The following MAPKBP1 variants were observed in gnomAD, a reference collection of about 807,000 sequenced individuals.
The protein encoded by MAPKBP1 is mitogen-activated protein kinase-binding protein 1.
A neutral mutation model predicts 170.5 loss-of-function variants in MAPKBP1; 71 were observed. That is an observed-to-expected ratio of 0.42 (90% CI 0.34 to 0.51). The LOEUF is 0.51. Among genes scored for constraint, MAPKBP1 ranks in the 20% least tolerant of loss-of-function variants. The pLI is 0.06. For synonymous variants in MAPKBP1, 719 were observed against 757.9 expected (o/e 0.95, Z 0.84); for missense variants, 1,598 against 1,933.0 (o/e 0.83, Z 3.25).
Position 41,812,143 on chromosome 15 carries a change from G to A in MAPKBP1, c.498+16G>A, listed in dbSNP as rs1567148294. 2 of 1,613,770 alleles carry A rather than the reference G, an allele frequency of 1.2e-6. No homozygotes were observed. Among genetic ancestry groups the A allele is most frequent in the African/African-American group, 1.3e-5 (1 of 75,024 alleles). ...GGCCTGGAAGGTGAGTGGCTGGGTGGGGTGGCCTGGCAGCCTCACAGGGGT... is the reference window on the plus strand; with the variant it reads ...GGCCTGGAAGGTGAGTGGCTGGGTGAGGTGGCCTGGCAGCCTCACAGGGGT... On this transcript the variant is annotated intron_variant, in intron 6 of 30. Transcript: ENST00000457542.
At chr15:41,782,092 CAAAAAAAA>C (rs58449893) in intron 2 of MAPKBP1, among the ~76,000 whole-genome samples, 2 of 111,208 alleles carry the variant, frequency 1.8e-5, no homozygotes, top group African/African-American at 3.5e-5. Context: ...ACTAAAAATA[CAAAAAAAA>C]AAAAAAAAAA....
chr15:41,780,581 C>G (rs2064169191), intron 2 of MAPKBP1, among the ~76,000 whole-genome samples: 2 of 152,154 alleles, frequency 1.3e-5, no homozygotes, highest in Non-Finnish European at 2.9e-5. Context: ...ACTTCATGTT[C>G]CCACTGCTCC....
intron 21 of MAPKBP1, 42 bp from the exon 22 acceptor site, chr15:41,819,553 G>GGGGA: frequency 6.7e-7 from 1 of 1,502,872 alleles, no homozygotes; most frequent in Non-Finnish European, 9.1e-7. Flanking sequence ...GTGGCGGGGG[G>GGGGA]GGGGCAGGAG....
chr15:41,786,804 A>ATATATATATATATATATATG (rs2064305908), intron 2 of MAPKBP1, among the ~76,000 whole-genome samples: 2 of 124,384 alleles, frequency 1.6e-5, no homozygotes, highest in African/African-American at 6.5e-5. Flanking sequence ...ATATATATAT[A>ATATATATATATATATATATG]GGTATAATAA....
At chr15:41,819,557 G>GGGGGGGGGGGGGGGGGGGC (rs1555454017) in intron 21 of MAPKBP1, 38 bp from the exon 22 acceptor site, 6 of 1,384,788 alleles carry the variant, frequency 4.3e-6, no homozygotes, top group South Asian at 2.4e-5. Flanking sequence ...CGGGGGGGGG[G>GGGGGGGGGGGGGGGGGGGC]CAGGAGACAC....
At chr15:41,807,266 G>A (rs1268029296) in intron 3 of MAPKBP1, among the ~76,000 whole-genome samples, 1 of 152,164 alleles carries the variant, frequency 6.6e-6, no homozygotes, top group Non-Finnish European at 1.5e-5. Context: ...CCATGGAGCT[G>A]AACATAGGAG....
intron 13 of MAPKBP1, 75 bp from the exon 14 acceptor site, chr15:41,816,835 C>G (rs755753411): frequency 1.2e-5 from 19 of 1,547,792 alleles, no homozygotes; most frequent in Middle Eastern, 1.7e-4. Context: ...GCTCAGTTCC[C>G]TTGGGGCTCT....
chr15:41,813,943 A>G (rs2064847547), intron 9 of MAPKBP1, among the ~76,000 whole-genome samples, 162 bp downstream of exon 9: 1 of 152,158 alleles, frequency 6.6e-6, no homozygotes, highest in African/African-American at 2.4e-5. Flanking sequence ...ACTTGTTGCA[A>G]CCAAGGAGAC....
intron 2 of MAPKBP1, among the ~76,000 whole-genome samples, chr15:41,795,259 C>A (rs922511972): frequency 6.6e-6 from 1 of 152,026 alleles, no homozygotes; most frequent in Non-Finnish European, 1.5e-5. Context: ...GGAAGGCCCT[C>A]TCTGAGGAAG....
Position 41,825,318 on chromosome 15 carries a change from T to C in MAPKBP1, c.4409T>C (p.Leu1470Pro), listed in dbSNP as rs1567158931. 1 of 1,613,264 alleles carries C rather than the reference T, an allele frequency of 6.2e-7. No homozygotes were observed. Residue 1470 changes from leucine (L) to proline (P), a missense_variant, in exon 31 of 31, where the codon CTG (leucine) becomes CCG (proline). By Grantham distance (98) the Leu-to-Pro change is moderately conservative. Around this residue, in one of 6 missense-constraint regions of MAPKBP1, gnomAD observed 942 missense variants for 953.2 expected, o/e 0.99. Transcript: ENST00000457542. ...CTGGAAGCTGTGGCTGGGGCAGTGCTGTCCAGCCCAGGCAGCAGCCCTGGG... is the reference window on the plus strand; with the variant it reads ...CTGGAAGCTGTGGCTGGGGCAGTGCCGTCCAGCCCAGGCAGCAGCCCTGGG... ...QELEAVAGAV[L>P]SSPGSSPGAV...
At chr15:41,787,079 C>T (rs2064311483) in intron 2 of MAPKBP1, among the ~76,000 whole-genome samples, 1 of 150,824 alleles carries the variant, frequency 6.6e-6, no homozygotes, top group Non-Finnish European at 1.5e-5. Context: ...CTGCCTAGGC[C>T]TCTCAAAGTA....
At chr15:41,803,337 C>G (rs2064631058) in intron 3 of MAPKBP1, among the ~76,000 whole-genome samples, 1 of 143,412 alleles carries the variant, frequency 7.0e-6, no homozygotes, top group African/African-American at 2.6e-5. Flanking sequence ...TCGCTTGAAC[C>G]TGGGAGACGG....
intron 2 of MAPKBP1, among the ~76,000 whole-genome samples, chr15:41,796,284 G>A (rs143181172): frequency 5.8e-4 from 89 of 152,304 alleles, no homozygotes; most frequent in Middle Eastern, 3.4e-3. Context: ...TGTGTTTGCA[G>A]GGGATGTTCA....
chr15:41,821,566 C>A lies in MAPKBP1; in HGVS notation c.2719-18C>A, dbSNP rs1201364204. Reference sequence around the variant, plus strand: ...TCTGTCACCTCTGCTCTGTTAACATCCCTTTGTGTGTTCCCAGAATGAAAA... The same window carrying A: ...TCTGTCACCTCTGCTCTGTTAACATACCTTTGTGTGTTCCCAGAATGAAAA... On this transcript the variant is annotated intron_variant, in intron 23 of 30. Coordinates refer to ENST00000457542, the MANE Select transcript of MAPKBP1 (RefSeq NM_014994.3). 3 of 1,609,284 alleles carry A rather than the reference C, an allele frequency of 1.9e-6. No homozygotes were observed. The highest frequency in any genetic ancestry group is 2.5e-6 in the Non-Finnish European group (3 of 1,177,702).
rs563430055 is a variant in MAPKBP1 at position 41,798,563 on chromosome 15, G to A, written c.115-1260G>A. Among the ~76,000 whole-genome samples, 64 of 152,136 alleles carry A rather than the reference G, an allele frequency of 4.2e-4. 1 individual carries two copies. The South Asian group carries it at 0.011, about 27-fold the overall frequency. ...CTCCCAAAGTGCTGGGATTACAGGC[G>A]TGAGCAATTGTACCTGGCCCCTCTA... On this transcript the variant is annotated intron_variant, in intron 2 of 30. Transcript: ENST00000457542.
intron 22 of MAPKBP1, among the ~76,000 whole-genome samples, chr15:41,820,100 G>A (rs1226067639): frequency 6.6e-6 from 1 of 152,240 alleles, no homozygotes; most frequent in African/African-American, 2.4e-5. Context: ...AGAACTTCCA[G>A]AATAGTTAGA....
rs1053499085 is a variant in MAPKBP1 at position 41,826,894 on chromosome 15, C to G, written c.*1458C>G. On this transcript the variant is annotated 3_prime_UTR_variant, in exon 31 of 31. Coordinates refer to ENST00000457542, the MANE Select transcript of MAPKBP1 (RefSeq NM_014994.3). Reference sequence around the variant, plus strand: ...GAGTTGAGGAAAGGTTTTTCTGGGCCCTACTGCTCCCCTCTGCTGCAGGTA... The same window carrying G: ...GAGTTGAGGAAAGGTTTTTCTGGGCGCTACTGCTCCCCTCTGCTGCAGGTA... 1 of 152,154 alleles carries G rather than the reference C, an allele frequency of 6.6e-6. No individual in the cohort carries two copies. Among genetic ancestry groups the G allele is most frequent in the African/African-American group, 2.4e-5 (1 of 41,394 alleles). 9.4% of individuals were successfully genotyped at this position (152,154 alleles called of 1,614,324 possible).
chr15:41,789,350 A>G (rs1180987923), intron 2 of MAPKBP1, among the ~76,000 whole-genome samples: 1 of 151,778 alleles, frequency 6.6e-6, no homozygotes, highest in African/African-American at 2.4e-5. Flanking sequence ...CATTGAGATA[A>G]CTCCTTTTCT....
chr15:41,784,460 G>T (rs2064245651), intron 2 of MAPKBP1, among the ~76,000 whole-genome samples: 1 of 152,038 alleles, frequency 6.6e-6, no homozygotes, highest in Non-Finnish European at 1.5e-5. Flanking sequence ...GGGCAACATA[G>T]CAAGATCCCA....
Sources: allele counts gnomAD v4.1 joint callset (sites outside exome capture counted in the v4.1 genomes callset), GRCh38; gene constraint gnomAD v4.1.1; regional missense constraint gnomAD v4.1.1; transcripts MANE v1.5; gene names NCBI Gene and HGNC (gene_info 2026-07-23, HGNC 2026-07-21).